Variants in DSCAML1 observed in about 807,000 individuals in gnomAD.
The protein encoded by DSCAML1 is cell adhesion molecule DSCAML1.
A neutral mutation model predicts 200.5 loss-of-function variants in DSCAML1; 38 were observed. That is an observed-to-expected ratio of 0.19 (90% CI 0.15 to 0.25). DSCAML1 has a LOEUF of 0.25. Ranked by LOEUF, DSCAML1 falls within the 10% of genes least tolerant of loss-of-function variation. The pLI is 1.00. For missense variants in DSCAML1, 2,223 were observed against 2,858.8 expected (o/e 0.78, Z 5.07); for synonymous variants, 1,215 against 1,165.0 (o/e 1.04, Z -0.87).
At chr11:117,786,423 C>T (rs2055352800) in intron 1 of DSCAML1, among the ~76,000 whole-genome samples, 1 of 152,230 alleles carries the variant, frequency 6.6e-6, no homozygotes, top group African/African-American at 2.4e-5. Context: ...GAAATCGCCC[C>T]CAGGCATTTG....
intron 8 of DSCAML1, among the ~76,000 whole-genome samples, chr11:117,512,784 CACACACACACACACA>C (rs2049663383): frequency 3.3e-5 from 5 of 150,020 alleles, no homozygotes. Flanking sequence ...CACACACACA[CACACACACACACACA>C]CACCCCTCCC....
chr11:117,435,567 T>G, intron 27 of DSCAML1, 77 bp downstream of exon 27: 94 of 1,488,922 alleles, frequency 6.3e-5, no homozygotes, highest in African/African-American at 9.7e-5. Context: ...GATGGTGCTG[T>G]GAGCCAGGGA....
chr11:117,521,179 A>C lies in DSCAML1; in HGVS notation c.1164T>G (p.Ala388=). 1 of 1,614,138 alleles carries C rather than the reference A, an allele frequency of 6.2e-7. No homozygotes were observed. Among genetic ancestry groups the C allele is most frequent in the Non-Finnish European group, 8.5e-7 (1 of 1,180,028 alleles). Residue 388 remains alanine, a synonymous_variant, in exon 6 of 33, where the codon GCT becomes GCG. Coordinates refer to ENST00000651296, the MANE Select transcript of DSCAML1 (RefSeq NM_020693.4). ...CCTGGGCGGTCTGGGCCTTGCGGGTAGCGAAGCACTGGTAGGCCCCGGAAT... is the reference window on the plus strand; with the variant it reads ...CCTGGGCGGTCTGGGCCTTGCGGGTCGCGAAGCACTGGTAGGCCCCGGAAT... ...KSHSGAYQCF[A]TRKAQTAQDF...
chr11:117,437,719 G>A lies in DSCAML1; in HGVS notation c.4432+176C>T, dbSNP rs1438376560. Among the ~76,000 whole-genome samples the A allele has an allele frequency of 1.3e-5, 2 of 152,130 alleles. No homozygotes were observed. The highest frequency in any genetic ancestry group is 2.9e-5 in the Non-Finnish European group (2 of 67,996). ...AAGTGGAACTAGTTTTTCCTAATGG[G>A]ATCCATCGGGACACTGTGGTGACGG... On this transcript the variant is annotated intron_variant, in intron 25 of 32. Coordinates refer to ENST00000651296, the MANE Select transcript of DSCAML1 (RefSeq NM_020693.4). The surrounding 1 kb of genome is among the most constrained non-coding windows in gnomAD (Gnocchi z 5.3).
chr11:117,758,299 C>CAA lies in DSCAML1; in HGVS notation c.511+18490_511+18491dup, dbSNP rs376046918. 2.1e-3 allele frequency among the ~76,000 whole-genome samples: 263 copies of CAA among 127,932 alleles called. 6 individuals are homozygous for CAA. The East Asian group carries it at 0.044, about 21-fold the overall frequency. 83.9% of individuals were successfully genotyped at this position (127,932 alleles called of 152,430 possible). A position where few individuals can be genotyped will look rare whatever the true frequency, so the allele number is the denominator to read the frequency against. On this transcript the variant is annotated intron_variant, in intron 3 of 32. Coordinates refer to ENST00000651296, the MANE Select transcript of DSCAML1 (RefSeq NM_020693.4). ...TGGGCGACAGAGTGAGACTCCATCT[C>CAA]AAAAAAAAAAAAAATTCTACCGTAA...
rs767309830 is a variant in DSCAML1, at chr11:117,428,421, G to A, written c.6069C>T (p.Ser2023=). 2 of 1,555,724 alleles carry A rather than the reference G, an allele frequency of 1.3e-6. No individual in the cohort carries two copies. Among genetic ancestry groups the A allele is most frequent in the South Asian group, 1.2e-5 (1 of 82,984 alleles). The change falls in exon 33 of 33, where the codon TCC becomes TCT. Residue 2023 remains serine, a synonymous_variant. Coordinates refer to ENST00000651296, the MANE Select transcript of DSCAML1 (RefSeq NM_020693.4). The part of the protein sequence containing the change: ...AGGPHTKMGG[S]RDSLLEMSTS... ...TGCTCATCTCGAGAAGCGAGTCCCT[G>A]GAGCCCCCCATTTTGGTGTGTGGGC...
intron 3 of DSCAML1, among the ~76,000 whole-genome samples, chr11:117,586,189 T>G (rs1036384441): frequency 2.0e-5 from 3 of 151,844 alleles, no homozygotes; most frequent in Non-Finnish European, 2.9e-5. Flanking sequence ...GGGACTAGAA[T>G]GCAGGTCTCT....
intron 3 of DSCAML1, among the ~76,000 whole-genome samples, chr11:117,714,714 G>A (rs1467750655): frequency 6.6e-6 from 1 of 151,670 alleles, no homozygotes; most frequent in Admixed American, 6.6e-5. Flanking sequence ...GTACTCGGGA[G>A]GCTAGGCTGA....
intron 3 of DSCAML1, among the ~76,000 whole-genome samples, chr11:117,664,243 G>A (rs1015861731): frequency 1.3e-5 from 2 of 152,284 alleles, no homozygotes; most frequent in African/African-American, 2.4e-5. Flanking sequence ...GCGAGGGGCC[G>A]TGGTAGGCAA....
chr11:117,701,499 A>G (rs1273193656), intron 3 of DSCAML1, among the ~76,000 whole-genome samples: 3 of 152,156 alleles, frequency 2.0e-5, no homozygotes, highest in African/African-American at 7.2e-5. Flanking sequence ...GCTCAGGATG[A>G]GATGCATCTG....
intron 15 of DSCAML1, among the ~76,000 whole-genome samples, 157 bp downstream of exon 15, chr11:117,471,712 A>G (rs2048688870): frequency 8.7e-6 from 1 of 115,088 alleles, no homozygotes; most frequent in Non-Finnish European, 1.9e-5. Context: ...AGGAGCCTGC[A>G]GTGATCCAGA....
chr11:117,762,568 T>A (rs1024982924), intron 3 of DSCAML1, among the ~76,000 whole-genome samples: 3 of 152,084 alleles, frequency 2.0e-5, no homozygotes, highest in South Asian at 2.1e-4. Flanking sequence ...GAATCAAATT[T>A]TATATATATA....
intron 19 of DSCAML1, among the ~76,000 whole-genome samples, chr11:117,457,069 G>A (rs2048386256): frequency 6.6e-6 from 1 of 152,226 alleles, no homozygotes. Context: ...AGTACTTGAT[G>A]AGGTACCACT....
intron 1 of DSCAML1, among the ~76,000 whole-genome samples, chr11:117,807,082 A>G (rs1170471977): frequency 6.6e-6 from 1 of 152,182 alleles, no homozygotes; most frequent in Admixed American, 6.5e-5. Context: ...CGCTTCCCCC[A>G]AGCCACACGC....
At chr11:117,789,128 T>C (rs1160675600) in intron 1 of DSCAML1, among the ~76,000 whole-genome samples, 1 of 152,218 alleles carries the variant, frequency 6.6e-6, no homozygotes, top group African/African-American at 2.4e-5. Flanking sequence ...GGTTTTGCTG[T>C]TTGTTTTTAA....
chr11:117,505,448 G>T lies in DSCAML1; in HGVS notation c.2062+6C>A. Reference sequence around the variant, plus strand: ...CCTCCCCTGAGGCTGGCCTGTCCCTGCTCACCACGCACGATGAGCTGGCGC... The same window carrying T: ...CCTCCCCTGAGGCTGGCCTGTCCCTTCTCACCACGCACGATGAGCTGGCGC... On this transcript the variant is annotated splice_donor_region_variant and intron_variant, in intron 9 of 32. Coordinates refer to ENST00000651296, the MANE Select transcript of DSCAML1 (RefSeq NM_020693.4). The surrounding 1 kb of genome is among the most constrained non-coding windows in gnomAD (Gnocchi z 6.7). 1 of 1,607,744 alleles carries T rather than the reference G, an allele frequency of 6.2e-7. No homozygotes were observed.
chr11:117,517,978 C>T (rs1435921205), intron 7 of DSCAML1, among the ~76,000 whole-genome samples: 1 of 152,176 alleles, frequency 6.6e-6, no homozygotes, highest in African/African-American at 2.4e-5. Flanking sequence ...GTTGCTTATA[C>T]CTCCTGGAGC....
intron 13 of DSCAML1, 41 bp downstream of exon 13, chr11:117,481,133 C>A: frequency 1.3e-6 from 2 of 1,598,356 alleles, no homozygotes; most frequent in South Asian, 1.1e-5. Flanking sequence ...CCCCTGGGCC[C>A]TGGGGAGGTG....
intron 3 of DSCAML1, among the ~76,000 whole-genome samples, chr11:117,541,807 G>T (rs539839548): frequency 6.6e-6 from 1 of 152,322 alleles, no homozygotes; most frequent in South Asian, 2.1e-4. Flanking sequence ...GGCCCAGGGG[G>T]AAGGTGGGAA....
Sources: allele counts gnomAD v4.1 joint callset (sites outside exome capture counted in the v4.1 genomes callset), GRCh38; gene constraint gnomAD v4.1.1; non-coding constraint Gnocchi (gnomAD v3.1); transcripts MANE v1.5; gene names NCBI Gene and HGNC (gene_info 2026-07-23, HGNC 2026-07-21).